Variants in ADRA1A observed in about 807,000 individuals in gnomAD.
ADRA1A encodes adrenoceptor alpha 1A, also known as alpha-1A adrenergic receptor.
A neutral mutation model predicts 29.6 loss-of-function variants in ADRA1A; 31 were observed. The observed-to-expected ratio is 1.05, with a 90% CI of 0.79 to 1.41. ADRA1A has a LOEUF of 1.41. Among genes scored for constraint, ADRA1A ranks in the 40% most tolerant of loss-of-function variants. ADRA1A has a pLI of 0.00. For synonymous variants in ADRA1A, 311 were observed against 254.3 expected (o/e 1.22, Z -2.12); for missense variants, 619 against 601.1 (o/e 1.03, Z -0.31).
intron 2 of ADRA1A, among the ~76,000 whole-genome samples, chr8:26,777,442 C>T (rs955636962): frequency 6.6e-6 from 1 of 152,202 alleles, no homozygotes; most frequent in Non-Finnish European, 1.5e-5. Context: ...ACAAGCTGTA[C>T]CCTGGCTGGG....
chr8:26,858,374 C>A (rs777340919), intron 2 of ADRA1A, among the ~76,000 whole-genome samples: 2 of 152,216 alleles, frequency 1.3e-5, no homozygotes, highest in Non-Finnish European at 2.9e-5. Context: ...ACATCCACCC[C>A]TCATGGCAAC....
At chr8:26,847,368 G>A (rs1563303961) in intron 2 of ADRA1A, among the ~76,000 whole-genome samples, 1 of 152,184 alleles carries the variant, frequency 6.6e-6, no homozygotes, top group Admixed American at 6.5e-5. Context: ...GACCTCTTTA[G>A]GAAAAGTTTA....
chr8:26,845,918 A>G (rs1812163572), intron 2 of ADRA1A, among the ~76,000 whole-genome samples: 1 of 152,082 alleles, frequency 6.6e-6, no homozygotes, highest in Non-Finnish European at 1.5e-5. Context: ...GCACTTGGGG[A>G]GTGGGGAATG....
At chr8:26,801,995 C>T (rs919946601) in intron 2 of ADRA1A, among the ~76,000 whole-genome samples, 7 of 152,048 alleles carry the variant, frequency 4.6e-5, no homozygotes, top group East Asian at 1.9e-4. Context: ...CACTGGGGAA[C>T]GAACACTCTC....
At chr8:26,750,271 C>T (rs73556298) in intron 2 of ADRA1A, among the ~76,000 whole-genome samples, 5,535 of 152,088 alleles carry the variant, frequency 0.036, 321 homozygotes, top group African/African-American at 0.13. Context: ...GCATGATTTC[C>T]GCTCACTGCA....
chr8:26,824,454 G>C (rs943364854), intron 2 of ADRA1A, among the ~76,000 whole-genome samples: 2 of 152,154 alleles, frequency 1.3e-5, no homozygotes, highest in African/African-American at 4.8e-5. Flanking sequence ...TACCAACATT[G>C]TAAGGTTATT....
intron 2 of ADRA1A, among the ~76,000 whole-genome samples, chr8:26,812,593 T>A (rs892623815): frequency 3.3e-5 from 5 of 151,900 alleles, no homozygotes; most frequent in African/African-American, 1.2e-4. Flanking sequence ...TGAAGCCAGT[T>A]CTTAATACAT....
At chr8:26,778,278 C>A (rs947405342) in intron 2 of ADRA1A, among the ~76,000 whole-genome samples, 2 of 152,132 alleles carry the variant, frequency 1.3e-5, no homozygotes, top group African/African-American at 2.4e-5. Flanking sequence ...CCCTAGAAGA[C>A]CTCCTTGTGT....
At chr8:26,809,890 A>G (rs1056803785) in intron 2 of ADRA1A, among the ~76,000 whole-genome samples, 4 of 152,214 alleles carry the variant, frequency 2.6e-5, no homozygotes, top group Non-Finnish European at 2.9e-5. Context: ...AATTTTGGCA[A>G]AGTTCCTTGA....
chr8:26,793,751 A>G (rs1313861604), intron 2 of ADRA1A, among the ~76,000 whole-genome samples: 1 of 152,028 alleles, frequency 6.6e-6, no homozygotes, highest in African/African-American at 2.4e-5. Context: ...TTATTCAAGG[A>G]GAAATAATAT....
In ADRA1A at chr8:26,796,453, G is replaced by A. The variant is rs1808199465; in HGVS notation, c.884-25787C>T. ...TGCTTGAAAGCCAAATGCATTCAGG[G>A]CTGTGAAGGACACAAAGAGGTGGGA... is the stretch of plus-strand genomic sequence containing the variant. On this transcript the variant is annotated intron_variant, in intron 2 of 2. Coordinates refer to ENST00000380573, the MANE Select transcript of ADRA1A (RefSeq NM_000680.4). This position sits in a 1 kb window ranked among gnomAD's most constrained non-coding sequence, Gnocchi z 5.0. Among the ~76,000 whole-genome samples, 1 of 152,022 alleles carries A rather than the reference G, an allele frequency of 6.6e-6. No individual in the cohort carries two copies. The highest frequency in any genetic ancestry group is 2.1e-4 in the South Asian group (1 of 4,818).
intron 2 of ADRA1A, among the ~76,000 whole-genome samples, chr8:26,782,024 G>GGTCCTCTC (rs987180130): frequency 1.3e-5 from 2 of 152,160 alleles, no homozygotes; most frequent in Non-Finnish European, 2.9e-5. Flanking sequence ...GACAGTTCCG[G>GGTCCTCTC]GTCCTCTCCC....
intron 2 of ADRA1A, among the ~76,000 whole-genome samples, chr8:26,785,458 G>A (rs1807304242): frequency 1.3e-5 from 2 of 152,126 alleles, no homozygotes; most frequent in East Asian, 1.9e-4. Context: ...CTTGCTCAGG[G>A]TTACACAGCC....
chr8:26,801,807 C>CG (rs1400745704), intron 2 of ADRA1A, among the ~76,000 whole-genome samples: 2 of 152,040 alleles, frequency 1.3e-5, no homozygotes, highest in Non-Finnish European at 2.9e-5. Flanking sequence ...GCAAAAAGAT[C>CG]AAAACTGGAG....
downstream of ADRA1A, among the ~76,000 whole-genome samples, chr8:26,767,134 G>A (rs10102186): frequency 0.3 from 46,090 of 151,942 alleles, 7,149 homozygotes; most frequent in Middle Eastern, 0.41. Context: ...AATTTTCCCT[G>A]TCCCATAATG....
intron 2 of ADRA1A, among the ~76,000 whole-genome samples, chr8:26,785,203 G>T (rs1469341792): frequency 6.6e-6 from 1 of 152,040 alleles, no homozygotes; most frequent in Non-Finnish European, 1.5e-5. Flanking sequence ...TAAGAATATG[G>T]ATATATTATT....
Position 26,848,265 on chromosome 8 carries a change from C to T in ADRA1A, c.883+15822G>A, listed in dbSNP as rs1464047365. Among the ~76,000 whole-genome samples, 2 of 152,196 alleles carry T rather than the reference C, an allele frequency of 1.3e-5. No homozygotes were observed. Among genetic ancestry groups the T allele is most frequent in the Non-Finnish European group, 2.9e-5 (2 of 68,040 alleles). ...AGACACAGTAAGTGCCATGCAAGTA[C>T]CACTAATATGGATGGAAAGTTTGTG... On this transcript the variant is annotated intron_variant, in intron 2 of 2. Coordinates refer to ENST00000380573, the MANE Select transcript of ADRA1A (RefSeq NM_000680.4). This position sits in a 1 kb window ranked among gnomAD's most constrained non-coding sequence, Gnocchi z 4.3.
intron 2 of ADRA1A, among the ~76,000 whole-genome samples, chr8:26,800,403 T>C (rs1429873797): frequency 6.6e-6 from 1 of 152,066 alleles, no homozygotes; most frequent in Non-Finnish European, 1.5e-5. Context: ...ATAAAAATAA[T>C]TCAATGGAGG....
intron 2 of ADRA1A, among the ~76,000 whole-genome samples, chr8:26,838,562 A>G (rs1811562050): frequency 1.3e-5 from 2 of 152,354 alleles, no homozygotes; most frequent in South Asian, 4.1e-4. Flanking sequence ...GGTTAGGCCT[A>G]TGGAATACAA....
Sources: gnomAD v4.1 joint callset for allele counts (sites outside exome capture counted in the v4.1 genomes callset) on GRCh38, gnomAD v4.1.1 for gene constraint, Gnocchi (gnomAD v3.1) non-coding constraint, MANE v1.5 for transcripts, NCBI Gene and HGNC (gene_info 2026-07-23, HGNC 2026-07-21) for gene names.